Variants in DDX49 observed in about 807,000 individuals in gnomAD.
DDX49 encodes probable ATP-dependent RNA helicase DDX49.
A neutral mutation model predicts 56.3 loss-of-function variants in DDX49; 50 were observed. The ratio of observed to expected loss-of-function variants is 0.89; its 90% CI spans 0.71 to 1.12. The LOEUF (loss-of-function observed/expected upper bound fraction) is 1.12, where lower values mean the gene tolerates loss of function less well. Among genes scored for constraint, DDX49 ranks in the 50% most tolerant of loss-of-function variants. The pLI, the probability that DDX49 is intolerant of heterozygous loss-of-function variation, is 0.00. For missense variants in DDX49, 614 were observed against 650.5 expected (o/e 0.94, Z 0.61); for synonymous variants, 269 against 270.6 (o/e 0.99, Z 0.06).
intron 10 of DDX49, among the ~76,000 whole-genome samples, chr19:18,927,072 A>G (rs1472482292): frequency 4.3e-5 from 2 of 46,446 alleles, no homozygotes; most frequent in East Asian, 3.0e-4. Flanking sequence ...CTCTGTCTCA[A>G]AAAAAAAAAA....
rs1485628542 is a variant in DDX49, at chr19:18,920,654, C to T, written c.190C>T (p.Leu64=). ...AAFVLPILQK[L]SEDPYGIFCL... is the part of the protein sequence containing the mutation. Reference sequence around the variant, plus strand: ...GTTTGTCCTTCCCATCTTGCAGAAGCTGTCTGAGGATCCCTATGGCATCTT... The same window carrying T: ...GTTTGTCCTTCCCATCTTGCAGAAGTTGTCTGAGGATCCCTATGGCATCTT... Residue 64 remains leucine, a synonymous_variant, in exon 2 of 13, where the codon CTG becomes TTG. Coordinates refer to ENST00000247003, the MANE Select transcript of DDX49 (RefSeq NM_019070.5). 3 of 1,611,816 alleles carry T rather than the reference C, an allele frequency of 1.9e-6. 1 individual carries two copies. The South Asian group carries it at 3.3e-5, about 18-fold the overall frequency.
Position 18,924,977 on chromosome 19 carries a change from C to T in DDX49, c.1025C>T (p.Ala342Val). Residue 342 changes from alanine (A) to valine (V), a missense_variant and splice_region_variant, in exon 9 of 13, where the codon GCA (alanine) becomes GTA (valine). Transcript: ENST00000247003. ...CACCGAGTCGGCCGGACGGCCCGTG[C>T]AGGTGAGCAGTGGAGGGGGAGGCCG... ...YIHRVGRTAR[A>V]GRQGQAITLV... 2.5e-6 allele frequency: 4 copies of T among 1,609,906 alleles called. No homozygotes were observed. Among genetic ancestry groups the T allele is most frequent in the South Asian group, 1.1e-5 (1 of 91,050 alleles).
Position 18,921,823 on chromosome 19 carries a change from T to C in DDX49, c.326-20T>C. 6.2e-7 allele frequency: 1 copy of C among 1,613,974 alleles called. No homozygotes were observed. Among genetic ancestry groups the C allele is most frequent in the Non-Finnish European group, 8.5e-7 (1 of 1,179,954 alleles). Reference sequence around the variant, plus strand: ...TTTGGACCACCTGCCCAGCCCTGCCTCTCATGCTCTGTCCCCCAGACATGG... The same window carrying C: ...TTTGGACCACCTGCCCAGCCCTGCCCCTCATGCTCTGTCCCCCAGACATGG... On this transcript the variant is annotated intron_variant, in intron 3 of 12. Transcript: ENST00000247003.
intron 2 of DDX49, 29 bp from the exon 3 acceptor site, chr19:18,921,634 G>T (rs1363728716): frequency 6.2e-7 from 1 of 1,610,120 alleles, no homozygotes; most frequent in Non-Finnish European, 8.5e-7. Context: ...ACCACTACCT[G>T]ACCCAGCCTG....
At chr19:18,920,824 C>CCTAAGAAGCGGGTA in intron 2 of DDX49, 121 bp downstream of exon 2, 2 of 1,071,124 alleles carry the variant, frequency 1.9e-6, no homozygotes, top group Non-Finnish European at 2.6e-6. Flanking sequence ...TCTTGCTACC[C>CCTAAGAAGCGGGTA]GCTTCTTAGG....
intron 9 of DDX49, among the ~76,000 whole-genome samples, chr19:18,925,420 T>C (rs1424990623): frequency 6.7e-6 from 1 of 149,956 alleles, no homozygotes; most frequent in East Asian, 2.0e-4. Context: ...CCAGGCGTGG[T>C]GGAGGGTGCC....
intron 7 of DDX49, 29 bp from the exon 8 acceptor site, chr19:18,924,594 T>A: frequency 6.2e-7 from 1 of 1,613,592 alleles, no homozygotes; most frequent in Non-Finnish European, 8.5e-7. Flanking sequence ...CCTTCATGCA[T>A]TCCCAATTTT....
chr19:18,919,898 C>A, intron 1 of DDX49, 42 bp downstream of exon 1: 2 of 1,406,668 alleles, frequency 1.4e-6, no homozygotes, highest in South Asian at 2.5e-5. Flanking sequence ...CCTCTCCGCT[C>A]CTCTCGACTC....
At chr19:18,925,013 C>T (rs2056949966) in intron 9 of DDX49, 34 bp downstream of exon 9, 1 of 1,599,524 alleles carries the variant, frequency 6.3e-7, no homozygotes, top group African/African-American at 1.3e-5. Flanking sequence ...AGCCTTGGGC[C>T]TCTGTCCCTC....
At position 18,928,068 on chromosome 19, in the gene DDX49, T is replaced by TGGCC. The variant is rs755410146; in HGVS notation, c.1263+33_1263+36dup. Reference sequence around the variant, plus strand: ...GCCGAGCCCGCAGGTAGGGGGTGGGTGGCCAGGTTCCCTGGCGGGGGCCGC... The same window carrying TGGCC: ...GCCGAGCCCGCAGGTAGGGGGTGGGTGGCCGGCCAGGTTCCCTGGCGGGGGCCGC... On this transcript the variant is annotated intron_variant, in intron 12 of 12. Transcript: ENST00000247003. 1.9e-5 allele frequency: 30 copies of TGGCC among 1,612,434 alleles called. No homozygotes were observed. The African/African-American group carries it at 3.2e-4, about 17-fold the overall frequency.
chr19:18,924,160 G>A, intron 6 of DDX49, 73 bp from the exon 7 acceptor site: 2 of 1,467,488 alleles, frequency 1.4e-6, no homozygotes, highest in Non-Finnish European at 1.9e-6. Flanking sequence ...GTGTCTCAGG[G>A]GCGGGTGGGG....
intron 9 of DDX49, 146 bp downstream of exon 9, chr19:18,925,125 T>C: frequency 1.1e-6 from 1 of 889,148 alleles, no homozygotes; most frequent in South Asian, 1.8e-5. Flanking sequence ...TTGTCCTTTC[T>C]AAAGCAAAGG....
chr19:18,923,490 C>G (rs1248030048), intron 6 of DDX49, among the ~76,000 whole-genome samples: 1 of 152,162 alleles, frequency 6.6e-6, no homozygotes. Flanking sequence ...CCACTGCACT[C>G]CATCCTGGGG....
intron 1 of DDX49, 40 bp downstream of exon 1, chr19:18,919,896 C>G: frequency 1.4e-6 from 2 of 1,403,262 alleles, no homozygotes; most frequent in Non-Finnish European, 2.0e-6. Context: ...GGCCTCTCCG[C>G]TCCTCTCGAC....
intron 11 of DDX49, 44 bp from the exon 12 acceptor site, chr19:18,927,921 G>A: frequency 6.2e-7 from 1 of 1,613,808 alleles, no homozygotes; most frequent in Non-Finnish European, 8.5e-7. Flanking sequence ...TTCCAGGTGG[G>A]GCCCCCGTGA....
intron 6 of DDX49, among the ~76,000 whole-genome samples, chr19:18,923,786 G>A (rs572393820): frequency 4.7e-4 from 70 of 150,388 alleles, no homozygotes; most frequent in African/African-American, 1.5e-3. Context: ...CAGGCAAGCC[G>A]TCTGTCAACC....
chr19:18,927,393 T>A (rs187220633), intron 10 of DDX49, among the ~76,000 whole-genome samples: 150 of 151,762 alleles, frequency 9.9e-4, no homozygotes, highest in Non-Finnish European at 1.9e-3. Context: ...AAGAAAGAAA[T>A]ATCTGGACTT....
Position 18,928,544 on chromosome 19 carries a change from C to G in DDX49, c.*228C>G, listed in dbSNP as rs941206281. The G allele has an allele frequency of 1.9e-6, 1 of 538,728 alleles. No homozygotes were observed. Among genetic ancestry groups the G allele is most frequent in the Non-Finnish European group, 3.2e-6 (1 of 310,622 alleles). 33.4% of individuals were successfully genotyped at this position (538,728 alleles called of 1,614,324 possible). A position where few individuals can be genotyped will look rare whatever the true frequency, so the allele number is the denominator to read the frequency against. ...GCTGCAGGGGAAGAAAGAACATGACCGGGAGGTTGTGACCCCAACCCAAGG... is the reference window on the plus strand; with the variant it reads ...GCTGCAGGGGAAGAAAGAACATGACGGGGAGGTTGTGACCCCAACCCAAGG... On this transcript the variant is annotated 3_prime_UTR_variant, in exon 13 of 13. Transcript: ENST00000247003.
At position 18,924,207 on chromosome 19, in the gene DDX49, G is replaced by A. The variant is rs778631607; in HGVS notation, c.777-26G>A. On this transcript the variant is annotated intron_variant, in intron 6 of 12. Coordinates refer to ENST00000247003, the MANE Select transcript of DDX49 (RefSeq NM_019070.5). ...TTCCCAGAACCTGAGAGCTGGAGGG[G>A]TTGACAGGCACATCCTTCCCGCCAG... The A allele has an allele frequency of 3.7e-6, 6 of 1,613,014 alleles. No homozygotes were observed. In the African/African-American group the frequency reaches 4.0e-5, roughly 11 times the overall value.
Sources: gnomAD v4.1 joint callset for allele counts (sites outside exome capture counted in the v4.1 genomes callset) on GRCh38, gnomAD v4.1.1 for gene constraint, MANE v1.5 for transcripts, NCBI Gene and HGNC (gene_info 2026-07-23, HGNC 2026-07-21) for gene names.